ZFP1: variants seen among roughly 807,000 people sequenced by gnomAD.
The protein encoded by ZFP1 is zinc finger protein 1 homolog.
ZFP1 carries 32 observed loss-of-function variants against 38.5 expected under a neutral mutation model. The observed-to-expected ratio is 0.83, with a 90% CI of 0.63 to 1.12. The LOEUF (loss-of-function observed/expected upper bound fraction) is 1.12. ZFP1 is among the 50% of genes most tolerant of loss of function. The pLI is 0.00. For missense variants in ZFP1, 616 were observed against 480.8 expected (o/e 1.28, Z -2.63); for synonymous variants, 245 against 168.8 (o/e 1.45, Z -3.50).
In ZFP1 at chr16:75,148,534, C is replaced by A. The variant is rs1007780035; in HGVS notation, c.-153C>A. On this transcript the variant is annotated 5_prime_UTR_variant, in exon 1 of 4. Transcript: ENST00000570010. ...AGCGCGCCGGTGGCCGCCCTTCCCC[C>A]ACCACCAGCGGCGAGTGGGTGACAG... is the stretch of plus-strand genomic sequence containing the variant. 9 of 152,326 alleles carry A rather than the reference C, an allele frequency of 5.9e-5. No homozygotes were observed. The highest frequency in any genetic ancestry group is 2.6e-4 in the Admixed American group (4 of 15,290). 9.4% of individuals were successfully genotyped at this position (152,326 alleles called of 1,614,324 possible). A position where few individuals can be genotyped will look rare whatever the true frequency, so the allele number is the denominator to read the frequency against.
chr16:75,153,015 A>G (rs1188269977), intron 2 of ZFP1, 49 bp downstream of exon 2: 1 of 1,604,184 alleles, frequency 6.2e-7, no homozygotes, highest in Non-Finnish European at 8.5e-7. Context: ...CATTTAAGGA[A>G]GTTTATAAGG....
chr16:75,120,161 G>A, the ZFP1 span, among the ~76,000 whole-genome samples: 18 of 152,210 alleles, frequency 1.2e-4, no homozygotes, highest in Non-Finnish European at 1.6e-4. Flanking sequence ...GTGTGTGTGC[G>A]CATGTGCGTG....
chr16:75,144,510 A>G (rs1183587877), upstream of ZFP1, among the ~76,000 whole-genome samples: 1 of 152,240 alleles, frequency 6.6e-6, no homozygotes, highest in Admixed American at 6.5e-5. Flanking sequence ...ACATTCTTGT[A>G]TATACATCTT....
chr16:75,164,029 A>G (rs35393689), intron 2 of ZFP1, among the ~76,000 whole-genome samples: 119,293 of 152,172 alleles, frequency 0.78, 47,916 homozygotes, highest in Non-Finnish European at 0.87. Context: ...AATCACTTTT[A>G]TATCATGAAC....
intron 2 of ZFP1, among the ~76,000 whole-genome samples, chr16:75,164,103 CTG>C (rs1156708505): frequency 6.6e-6 from 1 of 152,126 alleles, no homozygotes; most frequent in Non-Finnish European, 1.5e-5. Flanking sequence ...ATTGATGTTC[CTG>C]TGGACAGCTT....
chr16:75,122,477 A>G, the ZFP1 span, among the ~76,000 whole-genome samples: 2 of 152,220 alleles, frequency 1.3e-5, no homozygotes, highest in African/African-American at 2.4e-5. Context: ...TACTGAAACT[A>G]GAAGCTAGGG....
chr16:75,120,193 A>C, the ZFP1 span, among the ~76,000 whole-genome samples: 1,176 of 152,072 alleles, frequency 7.7e-3, 14 homozygotes, highest in African/African-American at 0.027. Context: ...ATTTAAAAGG[A>C]CTTCATGTTT....
At chr16:75,141,248 G>A in the ZFP1 span, among the ~76,000 whole-genome samples, 1 of 133,636 alleles carries the variant, frequency 7.5e-6, no homozygotes, top group East Asian at 2.4e-4. Context: ...TGTCGCCCAG[G>A]CTGGAGTGCA....
intron 3 of ZFP1, among the ~76,000 whole-genome samples, chr16:75,167,896 C>T (rs1053791019): frequency 6.6e-6 from 1 of 152,126 alleles, no homozygotes; most frequent in Non-Finnish European, 1.5e-5. Flanking sequence ...CAGTTCAATA[C>T]CAGCACCAAC....
chr16:75,161,294 C>G (rs1005815598), intron 2 of ZFP1, among the ~76,000 whole-genome samples: 1 of 151,952 alleles, frequency 6.6e-6, no homozygotes, highest in African/African-American at 2.4e-5. Context: ...GTCTCGAACT[C>G]CTGGCTACAA....
intron 1 of ZFP1, chr16:75,149,193 G>C (rs1197497783): frequency 6.6e-6 from 1 of 152,170 alleles, no homozygotes; most frequent in Non-Finnish European, 1.5e-5. Context: ...CATCTCCGTC[G>C]CTATCCCAGG....
chr16:75,140,770 T>C, the ZFP1 span, among the ~76,000 whole-genome samples: 567 of 152,246 alleles, frequency 3.7e-3, 12 homozygotes, highest in Admixed American at 0.035. Flanking sequence ...CCATCCTGGC[T>C]AACGCGGTGA....
chr16:75,140,376 C>G, the ZFP1 span, among the ~76,000 whole-genome samples: 1 of 151,994 alleles, frequency 6.6e-6, no homozygotes, highest in Admixed American at 6.6e-5. Flanking sequence ...CGAGACCAGC[C>G]TGGGCAACAG....
At chr16:75,163,577 G>C (rs1215506878) in intron 2 of ZFP1, among the ~76,000 whole-genome samples, 2 of 151,366 alleles carry the variant, frequency 1.3e-5, no homozygotes, top group Non-Finnish European at 2.9e-5. Flanking sequence ...CTCCCAGAGT[G>C]CTGGGATTAC....
At chr16:75,134,549 G>A in the ZFP1 span, among the ~76,000 whole-genome samples, 1 of 151,722 alleles carries the variant, frequency 6.6e-6, no homozygotes, top group Non-Finnish European at 1.5e-5. Context: ...AAGGTCAGGA[G>A]ATCGAGACCT....
chr16:75,148,022 C>G (rs2036977500), upstream of ZFP1, among the ~76,000 whole-genome samples: 1 of 151,930 alleles, frequency 6.6e-6, no homozygotes, highest in Non-Finnish European at 1.5e-5. Flanking sequence ...ATATATAGAT[C>G]TCAACAAATA....
chr16:75,126,711 G>A, the ZFP1 span, among the ~76,000 whole-genome samples: 1 of 152,172 alleles, frequency 6.6e-6, no homozygotes, highest in Non-Finnish European at 1.5e-5. Flanking sequence ...CCAGTTAAAT[G>A]AATTATTTTG....
chr16:75,170,490 T>C lies in ZFP1; in HGVS notation c.*156T>C, dbSNP rs963991975. On this transcript the variant is annotated 3_prime_UTR_variant, in exon 4 of 4. Coordinates refer to ENST00000570010, the MANE Select transcript of ZFP1 (RefSeq NM_153688.4). ...AAAATAGGATCCCATGAGAACATTATACTGGAAGTTACATGTGATACCCAG... is the reference window on the plus strand; with the variant it reads ...AAAATAGGATCCCATGAGAACATTACACTGGAAGTTACATGTGATACCCAG... 5 of 1,104,004 alleles carry C rather than the reference T, an allele frequency of 4.5e-6. No homozygotes were observed. The highest frequency in any genetic ancestry group is 3.6e-6 in the Non-Finnish European group (3 of 828,370). 68.4% of individuals were successfully genotyped at this position (1,104,004 alleles called of 1,614,324 possible).
At chr16:75,135,709 A>T in the ZFP1 span, among the ~76,000 whole-genome samples, 74 of 152,330 alleles carry the variant, frequency 4.9e-4, no homozygotes, top group Middle Eastern at 6.8e-3. Context: ...GTATGGTACT[A>T]TAATGGTACA....
Sources: allele counts gnomAD v4.1 joint callset (sites outside exome capture counted in the v4.1 genomes callset), GRCh38; gene constraint gnomAD v4.1.1; transcripts MANE v1.5; gene names NCBI Gene and HGNC (gene_info 2026-07-23, HGNC 2026-07-21).